Variants in FRMPD1 observed in about 807,000 individuals in gnomAD.
The protein encoded by FRMPD1 is FERM and PDZ domain-containing protein 1.
A neutral mutation model predicts 117.8 loss-of-function variants in FRMPD1; 76 were observed. The observed-to-expected ratio is 0.65, with a 90% CI of 0.54 to 0.78. The LOEUF (loss-of-function observed/expected upper bound fraction) is 0.78, where lower values mean the gene tolerates loss of function less well. Ranked by LOEUF, FRMPD1 falls within the 30% of genes least tolerant of loss-of-function variation. The pLI is 0.00. For missense variants in FRMPD1, 1,786 were observed against 1,964.5 expected, an observed-to-expected ratio of 0.91 and a Z score of 1.72; for synonymous variants, 783 against 770.4, an observed-to-expected ratio of 1.02 and a Z score of -0.27.
chr9:37,673,662 A>G (rs1330881288), intron 1 of FRMPD1, among the ~76,000 whole-genome samples: 2 of 152,252 alleles, frequency 1.3e-5, no homozygotes, highest in East Asian at 1.9e-4. Context: ...CTGGGCATCC[A>G]GGCATTTCCA....
the FRMPD1 span, among the ~76,000 whole-genome samples, chr9:37,645,824 C>CAATT: frequency 6.6e-6 from 1 of 152,206 alleles, no homozygotes; most frequent in South Asian, 2.1e-4. Flanking sequence ...GATAATCACC[C>CAATT]AATTTCTTTT....
intron 2 of FRMPD1, among the ~76,000 whole-genome samples, chr9:37,700,182 A>C (rs1822483295): frequency 6.6e-6 from 1 of 152,170 alleles, no homozygotes. Flanking sequence ...AGGCTCCTGG[A>C]CTGCATCTGC....
At chr9:37,634,486 C>T in the FRMPD1 span, among the ~76,000 whole-genome samples, 1 of 152,174 alleles carries the variant, frequency 6.6e-6, no homozygotes, top group Non-Finnish European at 1.5e-5. Flanking sequence ...CTTAAACACA[C>T]CAGTGGTTCT....
chr9:37,604,051 A>G, the FRMPD1 span, among the ~76,000 whole-genome samples: 1 of 152,194 alleles, frequency 6.6e-6, no homozygotes, highest in Admixed American at 6.5e-5. Flanking sequence ...TGCAAAGAGT[A>G]CCACCTGGAA....
At chr9:37,636,972 G>A in the FRMPD1 span, 188 of 1,587,948 alleles carry the variant, frequency 1.2e-4, no homozygotes, top group African/African-American at 2.4e-4. Context: ...CTGGCATGGC[G>A]GTCAATCTCC....
rs759259863 is a variant in FRMPD1, at chr9:37,746,383, T to C, written c.4351T>C (p.Cys1451Arg). The stretch of plus-strand genomic sequence containing the variant: ...TGGAAACAAACATCCCCCAGAGAAG[T>C]GCACCTGGCACTTTACCGAAAGCCG... ...GVGNKHPPEK[C>R]TWHFTESRSR... is the part of the protein sequence containing the mutation. The change falls in exon 16 of 16, where the codon TGC becomes CGC. Residue 1451 changes from cysteine (C) to arginine (R), a missense_variant. Transcript: ENST00000377765. 1.9e-6 allele frequency: 3 copies of C among 1,612,924 alleles called. No individual in the cohort carries two copies. The highest frequency in any genetic ancestry group is 2.2e-5 in the South Asian group (2 of 91,038).
the FRMPD1 span, among the ~76,000 whole-genome samples, chr9:37,643,723 T>C: frequency 2.0e-5 from 3 of 152,328 alleles, no homozygotes; most frequent in South Asian, 2.1e-4. Context: ...TGGCTACTTA[T>C]ATCCACAAGT....
At chr9:37,638,024 C>CTTTGTT in the FRMPD1 span, among the ~76,000 whole-genome samples, 1 of 95,848 alleles carries the variant, frequency 1.0e-5, no homozygotes, top group African/African-American at 3.5e-5. Context: ...TTCTTTCTTT[C>CTTTGTT]TCTCTCTTTC....
the FRMPD1 span, among the ~76,000 whole-genome samples, chr9:37,606,573 C>A: frequency 6.6e-6 from 1 of 152,222 alleles, no homozygotes; most frequent in Non-Finnish European, 1.5e-5. Context: ...ATAGCGTTTT[C>A]TTCTGGCACC....
At chr9:37,708,377 T>A in intron 3 of FRMPD1, 22 bp from the exon 4 acceptor site, 1 of 1,458,730 alleles carries the variant, frequency 6.9e-7, no homozygotes, top group Non-Finnish European at 9.6e-7. Context: ...TGAGCACCAA[T>A]TACTTATTTT....
chr9:37,667,061 G>GTTT (rs1563923428), intron 1 of FRMPD1, among the ~76,000 whole-genome samples: 5 of 67,006 alleles, frequency 7.5e-5, no homozygotes, highest in South Asian at 5.7e-4. Context: ...ATTGAAGCAT[G>GTTT]CTTTTTTTTT....
the FRMPD1 span, chr9:37,637,125 T>C: frequency 6.2e-7 from 1 of 1,605,582 alleles, no homozygotes; most frequent in Non-Finnish European, 8.5e-7. Flanking sequence ...TGAAGTTTGA[T>C]AGTTTTGCCA....
At chr9:37,669,993 C>CA (rs199845153) in intron 1 of FRMPD1, 1,344 of 127,824 alleles carry the variant, frequency 0.011, 11 homozygotes, top group African/African-American at 0.027. Context: ...AACTCTCTCT[C>CA]AAAAAAAAAA....
intron 5 of FRMPD1, among the ~76,000 whole-genome samples, chr9:37,714,558 C>T (rs1448718280): frequency 1.3e-5 from 2 of 152,078 alleles, no homozygotes; most frequent in African/African-American, 4.8e-5. Flanking sequence ...GGCCTCTCAC[C>T]AGAACTGCTC....
Position 37,707,521 on chromosome 9 carries a change from T to C in FRMPD1, c.207T>C (p.Tyr69=), listed in dbSNP as rs73445151. 4,038 of 1,613,988 alleles carry C rather than the reference T, an allele frequency of 2.5e-3. 70 individuals carry two copies. In the African/African-American group the frequency reaches 0.042, roughly 17 times the overall value. ...KIDKDTLLQD[Y]GFHISESLPL... ...ACAAAGACACCCTCCTCCAGGACTA[T>C]GGATTTCACATTTCTGAGAGCCTTC... Residue 69 remains tyrosine, a synonymous_variant, in exon 3 of 16, where the codon TAT becomes TAC. Coordinates refer to ENST00000377765, the MANE Select transcript of FRMPD1 (RefSeq NM_014907.3).
At chr9:37,640,809 C>T in the FRMPD1 span, among the ~76,000 whole-genome samples, 5 of 152,168 alleles carry the variant, frequency 3.3e-5, no homozygotes, top group African/African-American at 1.2e-4. Flanking sequence ...AATCAGGATC[C>T]AGATTATGAA....
the FRMPD1 span, among the ~76,000 whole-genome samples, chr9:37,614,165 G>A: frequency 1.1e-4 from 17 of 152,326 alleles, no homozygotes; most frequent in South Asian, 8.3e-4. Context: ...TAGCAATTAT[G>A]GAAGTGGTTG....
At chr9:37,651,481 G>T (rs1820673602) in intron 1 of FRMPD1, among the ~76,000 whole-genome samples, 1 of 152,234 alleles carries the variant, frequency 6.6e-6, no homozygotes. Flanking sequence ...GAACCAGAAG[G>T]GGTTCGCCAG....
intron 4 of FRMPD1, among the ~76,000 whole-genome samples, chr9:37,710,375 A>C (rs1822860395): frequency 6.6e-6 from 1 of 152,206 alleles, no homozygotes; most frequent in Non-Finnish European, 1.5e-5. Context: ...AAGAGAAAGG[A>C]AAATATGATC....
Sources: gnomAD v4.1 joint callset for allele counts (sites outside exome capture counted in the v4.1 genomes callset) on GRCh38, gnomAD v4.1.1 for gene constraint, MANE v1.5 for transcripts, NCBI Gene and HGNC (gene_info 2026-07-23, HGNC 2026-07-21) for gene names.